CSMD1: variants seen among roughly 807,000 people sequenced by gnomAD.
The protein encoded by CSMD1 is CUB and sushi domain-containing protein 1.
In CSMD1, 213 loss-of-function variants were observed where a neutral mutation model predicts 417.5. The observed-to-expected ratio is 0.51, with a 90% CI of 0.46 to 0.57. The LOEUF (loss-of-function observed/expected upper bound fraction) is 0.57, where lower values mean the gene tolerates loss of function less well. CSMD1 is among the 20% of genes least tolerant of loss of function. The probability of loss-of-function intolerance (pLI) is 0.00; values close to 1 mark genes in which losing one functional copy is unlikely to be tolerated. For missense variants in CSMD1, 6,923 were observed against 4,529.7 expected, an observed-to-expected ratio of 1.53 and a Z score of -15.17; for synonymous variants, 2,862 against 1,736.8, an observed-to-expected ratio of 1.65 and a Z score of -16.11.
At chr8:4,455,238 G>T (rs562279882) in intron 2 of CSMD1, among the ~76,000 whole-genome samples, 1 of 152,206 alleles carries the variant, frequency 6.6e-6, no homozygotes, top group East Asian at 1.9e-4. Flanking sequence ...TAAAATATTT[G>T]TTGGCCTTTT....
intron 2 of CSMD1, among the ~76,000 whole-genome samples, chr8:4,453,599 G>A (rs547487540): frequency 2.6e-5 from 4 of 152,044 alleles, no homozygotes; most frequent in African/African-American, 9.7e-5. Context: ...GAACTGCTGT[G>A]AATCGACAGC....
chr8:4,221,079 ATCACT>A (rs1046213564), intron 3 of CSMD1, among the ~76,000 whole-genome samples: 4 of 152,194 alleles, frequency 2.6e-5, no homozygotes, highest in Non-Finnish European at 4.4e-5. Flanking sequence ...GTTTGGGGAA[ATCACT>A]TCATTTAAAC....
chr8:4,463,155 A>G (rs1367075763), intron 2 of CSMD1, among the ~76,000 whole-genome samples: 1 of 152,178 alleles, frequency 6.6e-6, no homozygotes, highest in African/African-American at 2.4e-5. Flanking sequence ...CCCAAAGAAG[A>G]TACACAAATG....
intron 7 of CSMD1, among the ~76,000 whole-genome samples, chr8:3,656,654 G>A (rs2015191): frequency 0.12 from 18,333 of 152,178 alleles, 1,664 homozygotes; most frequent in East Asian, 0.31. Flanking sequence ...TAGGCCAGGC[G>A]TGGTGGCTCA....
At position 3,308,649 on chromosome 8, in the gene CSMD1, G is replaced by A. The variant is rs959491511; in HGVS notation, c.3632-146C>T. 6.4e-6 allele frequency: 4 copies of A among 621,096 alleles called. No individual in the cohort carries two copies. The Admixed American group carries it at 1.1e-4, about 17-fold the overall frequency. 38.5% of individuals were successfully genotyped at this position (621,096 alleles called of 1,614,324 possible). A position where few individuals can be genotyped will look rare whatever the true frequency, so the allele number is the denominator to read the frequency against. ...GTGAATTTACAAAGGGGAAAAGAAA[G>A]ATGGGTCTGTACTGGGGCTATTTGT... On this transcript the variant is annotated intron_variant, in intron 23 of 69. Coordinates refer to ENST00000635120, the MANE Select transcript of CSMD1 (RefSeq NM_033225.6).
intron 3 of CSMD1, among the ~76,000 whole-genome samples, chr8:4,365,212 A>T (rs918973512): frequency 1.3e-5 from 2 of 152,168 alleles, no homozygotes; most frequent in Non-Finnish European, 2.9e-5. Context: ...GTCTATATAT[A>T]AAAAAAGAGT....
chr8:3,873,672 G>A (rs1010288048), intron 5 of CSMD1, among the ~76,000 whole-genome samples: 3 of 152,030 alleles, frequency 2.0e-5, no homozygotes, highest in African/African-American at 7.3e-5. Context: ...TTATCTATAT[G>A]ACATGTATCC....
intron 25 of CSMD1, among the ~76,000 whole-genome samples, chr8:3,289,818 C>A (rs1803417554): frequency 6.8e-6 from 1 of 147,392 alleles, no homozygotes; most frequent in East Asian, 2.0e-4. Flanking sequence ...TGTGCAGAAG[C>A]TCTTTAGTTT....
chr8:3,111,663 C>A (rs759490679), intron 42 of CSMD1, among the ~76,000 whole-genome samples: 1 of 152,054 alleles, frequency 6.6e-6, no homozygotes, highest in Admixed American at 6.6e-5. Context: ...GAAACCCTAA[C>A]TCTACTAAAA....
intron 5 of CSMD1, among the ~76,000 whole-genome samples, chr8:3,881,980 A>G (rs538861737): frequency 1.9e-4 from 29 of 152,330 alleles, no homozygotes; most frequent in African/African-American, 6.3e-4. Context: ...CAAATTTCCA[A>G]TAACCAATCA....
chr8:4,253,703 C>A (rs1803241616), intron 3 of CSMD1, among the ~76,000 whole-genome samples: 1 of 151,618 alleles, frequency 6.6e-6, no homozygotes, highest in African/African-American at 2.4e-5. Flanking sequence ...AATTTGCCAA[C>A]TAAGTAATGC....
intron 3 of CSMD1, among the ~76,000 whole-genome samples, chr8:4,170,105 A>G (rs1475132499): frequency 1.3e-5 from 2 of 151,776 alleles, no homozygotes; most frequent in Non-Finnish European, 2.9e-5. Flanking sequence ...ATGTATCCCT[A>G]ACCTGTTTTC....
At chr8:4,856,994 A>G (rs1204826378) in intron 1 of CSMD1, among the ~76,000 whole-genome samples, 1 of 150,416 alleles carries the variant, frequency 6.6e-6, no homozygotes, top group Non-Finnish European at 1.5e-5. Flanking sequence ...CACCTATTCC[A>G]AAATTGACCA....
intron 3 of CSMD1, among the ~76,000 whole-genome samples, chr8:4,259,961 C>G (rs1803752692): frequency 6.6e-6 from 1 of 151,840 alleles, no homozygotes; most frequent in Non-Finnish European, 1.5e-5. Flanking sequence ...GTAATTGTTT[C>G]TAGTTTTTCA....
At chr8:4,385,282 A>G (rs549897685) in intron 3 of CSMD1, among the ~76,000 whole-genome samples, 1 of 152,194 alleles carries the variant, frequency 6.6e-6, no homozygotes, top group Non-Finnish European at 1.5e-5. Context: ...GGCTTTCAAA[A>G]TACTATCTGT....
intron 2 of CSMD1, among the ~76,000 whole-genome samples, chr8:4,627,985 C>A (rs1462633366): frequency 2.2e-5 from 3 of 133,450 alleles, no homozygotes; most frequent in African/African-American, 7.7e-5. Context: ...TATCTCCCCA[C>A]TGTGACAATT....
intron 6 of CSMD1, among the ~76,000 whole-genome samples, chr8:3,721,329 G>A (rs180802326): frequency 8.5e-4 from 129 of 152,270 alleles, no homozygotes; most frequent in African/African-American, 2.9e-3. Context: ...AGTGTGTGTG[G>A]CTGTGGATTT....
chr8:3,807,377 G>A (rs1800804877), intron 5 of CSMD1, among the ~76,000 whole-genome samples: 1 of 152,116 alleles, frequency 6.6e-6, no homozygotes. Flanking sequence ...ATATTCCCAA[G>A]CCCTTTATAG....
intron 2 of CSMD1, among the ~76,000 whole-genome samples, chr8:4,492,379 G>A (rs577007684): frequency 6.6e-6 from 1 of 152,174 alleles, no homozygotes; most frequent in Non-Finnish European, 1.5e-5. Context: ...AAGGCAGTCT[G>A]TAGGATGCCA....
Sources: gnomAD v4.1 joint callset for allele counts (sites outside exome capture counted in the v4.1 genomes callset) on GRCh38, gnomAD v4.1.1 for gene constraint, MANE v1.5 for transcripts, NCBI Gene and HGNC (gene_info 2026-07-23, HGNC 2026-07-21) for gene names.